The following ACACA variants were observed in gnomAD, a reference collection of about 807,000 sequenced individuals.
ACACA encodes the protein acetyl-CoA carboxylase alpha.
Under a neutral mutation model 296.1 loss-of-function variants are expected in ACACA, and 103 were observed. That is an observed-to-expected ratio of 0.35 (90% CI 0.30 to 0.41). The LOEUF (loss-of-function observed/expected upper bound fraction) is 0.41, where lower values mean the gene tolerates loss of function less well. Ranked by LOEUF, ACACA falls within the 10% of genes least tolerant of loss-of-function variation. ACACA has a pLI of 1.00. For missense variants in ACACA, 1,554 were observed against 2,989.7 expected (o/e 0.52, Z 11.20); for synonymous variants, 953 against 1,038.6 (o/e 0.92, Z 1.58).
intron 32 of ACACA, among the ~76,000 whole-genome samples, 194 bp downstream of exon 32, chr17:37,206,589 A>C (rs1173880394): frequency 6.6e-6 from 1 of 152,174 alleles, no homozygotes; most frequent in Non-Finnish European, 1.5e-5. Flanking sequence ...AAATTAATAT[A>C]GTTTTTTTAA....
Position 37,192,104 on chromosome 17 carries a change from C to T in ACACA, c.4402G>A (p.Asp1468Asn). 6.2e-7 allele frequency: 1 copy of T among 1,614,040 alleles called. No individual in the cohort carries two copies. Among genetic ancestry groups the T allele is most frequent in the African/African-American group, 1.3e-5 (1 of 74,994 alleles). The change falls in exon 37 of 56, where the codon GAT (aspartate) becomes AAT (asparagine). Residue 1468 changes from aspartate to asparagine, a missense_variant. Asp to Asn is a conservative substitution (Grantham distance 23, BLOSUM62 1). Coordinates refer to ENST00000616317, the MANE Select transcript of ACACA (RefSeq NM_198834.3). ...FFVRAIIRHS[D>N]LVTKEASFEY... Reference sequence around the variant, plus strand: ...ACAGCACCCACCTTGGTGACCAGATCAGAATGCCTGATGATTGCACGAACA... The same window carrying T: ...ACAGCACCCACCTTGGTGACCAGATTAGAATGCCTGATGATTGCACGAACA...
chr17:37,332,558 T>A (rs1164761600), intron 2 of ACACA, among the ~76,000 whole-genome samples: 1 of 139,628 alleles, frequency 7.2e-6, no homozygotes, highest in Non-Finnish European at 1.5e-5. Flanking sequence ...ATTGTTTGAG[T>A]CCAGGAGTTC....
At chr17:37,161,757 G>A in intron 42 of ACACA, 24 bp downstream of exon 42, 8 of 1,605,614 alleles carry the variant, frequency 5.0e-6, no homozygotes, top group South Asian at 1.1e-5. Flanking sequence ...GCACCTTGAA[G>A]TAGTATATGC....
intron 41 of ACACA, chr17:37,163,071 C>T: frequency 6.5e-6 from 1 of 154,816 alleles, no homozygotes; most frequent in South Asian, 1.7e-4. Flanking sequence ...GTTCCCACTG[C>T]CCCATGGGGT....
At chr17:37,291,143 T>TACACACAC (rs71159701) in intron 3 of ACACA, among the ~76,000 whole-genome samples, 2,664 of 136,920 alleles carry the variant, frequency 0.019, 98 homozygotes, top group African/African-American at 0.07. Flanking sequence ...GAAAAACACA[T>TACACACAC]ACACACACAC....
intron 41 of ACACA, among the ~76,000 whole-genome samples, chr17:37,163,466 G>A (rs139833673): frequency 5.7e-4 from 87 of 152,178 alleles, no homozygotes; most frequent in African/African-American, 2.0e-3. Context: ...CAACACAAAT[G>A]GACTATCACA....
intron 8 of ACACA, chr17:37,274,658 G>C (rs2082200292): frequency 9.1e-6 from 9 of 985,412 alleles, no homozygotes; most frequent in Middle Eastern, 5.2e-4. Flanking sequence ...CCAGGGCCAA[G>C]AGGTCTGGGA....
chr17:37,223,177 C>G (rs1198798317), intron 28 of ACACA, among the ~76,000 whole-genome samples: 2 of 152,188 alleles, frequency 1.3e-5, no homozygotes, highest in African/African-American at 4.8e-5. Flanking sequence ...ATGACACATG[C>G]TCTGATCAGC....
chr17:37,165,917 T>G (rs1054150622), intron 41 of ACACA, among the ~76,000 whole-genome samples: 2 of 151,922 alleles, frequency 1.3e-5, no homozygotes, highest in Non-Finnish European at 2.9e-5. Context: ...CCTCAAGCCA[T>G]CCTCCTGCCT....
intron 26 of ACACA, among the ~76,000 whole-genome samples, chr17:37,225,725 G>A (rs139407896): frequency 1.3e-3 from 205 of 152,312 alleles, no homozygotes; most frequent in African/African-American, 4.7e-3. Context: ...CAGTGACATG[G>A]ATACAATTGT....
intron 3 of ACACA, among the ~76,000 whole-genome samples, chr17:37,309,318 G>A (rs1016080473): frequency 1.3e-5 from 2 of 152,126 alleles, no homozygotes. Flanking sequence ...GAGCCACGAT[G>A]CCTGGCTTCA....
intron 44 of ACACA, among the ~76,000 whole-genome samples, chr17:37,150,604 A>G (rs1309511378): frequency 6.6e-6 from 1 of 151,694 alleles, no homozygotes; most frequent in Non-Finnish European, 1.5e-5. Context: ...AAAGTTAAAA[A>G]TTAGTTGGAG....
At chr17:37,220,010 A>AATT (rs1224747621) in intron 29 of ACACA, among the ~76,000 whole-genome samples, 4 of 152,316 alleles carry the variant, frequency 2.6e-5, no homozygotes, top group African/African-American at 9.6e-5. Context: ...GCAGGTTTAG[A>AATT]ATTACACTGA....
intron 45 of ACACA, among the ~76,000 whole-genome samples, chr17:37,149,437 A>G (rs1233508912): frequency 2.0e-5 from 3 of 152,232 alleles, no homozygotes; most frequent in Non-Finnish European, 4.4e-5. Context: ...GCACAGCTGG[A>G]ATCAGAGACA....
At chr17:37,295,712 CAGG>C (rs2083294933) in intron 3 of ACACA, among the ~76,000 whole-genome samples, 2 of 152,196 alleles carry the variant, frequency 1.3e-5, no homozygotes, top group African/African-American at 4.8e-5. Flanking sequence ...ATCACGAGGT[CAGG>C]AGATCAAGAC....
chr17:37,381,254 C>T (rs560193167), intron 1 of ACACA, among the ~76,000 whole-genome samples: 7 of 152,072 alleles, frequency 4.6e-5, no homozygotes, highest in East Asian at 1.9e-4. Context: ...GGCGCGATCT[C>T]GTCTCACTGC....
intron 7 of ACACA, 21 bp downstream of exon 7, chr17:37,277,012 C>CA: frequency 6.2e-7 from 1 of 1,602,188 alleles, no homozygotes; most frequent in South Asian, 1.1e-5. Context: ...GAAAGACGGA[C>CA]AATATGTCAG....
chr17:37,159,011 T>A (rs1054287653), intron 42 of ACACA, among the ~76,000 whole-genome samples: 1 of 151,754 alleles, frequency 6.6e-6, no homozygotes, highest in African/African-American at 2.4e-5. Flanking sequence ...AACCTTGTCT[T>A]TATGAAAAAT....
At chr17:37,267,956 T>C (rs1239683083) in intron 10 of ACACA, among the ~76,000 whole-genome samples, 1 of 152,168 alleles carries the variant, frequency 6.6e-6, no homozygotes, top group East Asian at 1.9e-4. Flanking sequence ...AGATGGGGTT[T>C]CATCATGTTG....
Sources: allele counts gnomAD v4.1 joint callset (sites outside exome capture counted in the v4.1 genomes callset), GRCh38; gene constraint gnomAD v4.1.1; transcripts MANE v1.5; gene names NCBI Gene and HGNC (gene_info 2026-07-23, HGNC 2026-07-21).